The following KAZN variants were observed in gnomAD, a reference collection of about 807,000 sequenced individuals.
The protein encoded by KAZN is kazrin.
KAZN carries 40 observed loss-of-function variants against 87.4 expected under a neutral mutation model. The ratio of observed to expected loss-of-function variants is 0.46; its 90% confidence interval spans 0.36 to 0.60. KAZN has a LOEUF of 0.60. Among genes scored for constraint, KAZN ranks in the 20% least tolerant of loss-of-function variants. KAZN has a pLI of 0.00. For synonymous variants in KAZN, 466 were observed against 458.3 expected, an observed-to-expected ratio of 1.02 and a Z score of -0.22; for missense variants, 898 against 1,073.9, an observed-to-expected ratio of 0.84 and a Z score of 2.29.
chr1:14,121,689 T>C (rs4662105), intron 1 of KAZN, among the ~76,000 whole-genome samples: 84,346 of 152,010 alleles, frequency 0.55, 24,466 homozygotes, highest in East Asian at 0.75. Context: ...TGCGAAAAGA[T>C]AGAAAATAAA....
chr1:14,803,363 G>A (rs59861862), intron 1 of KAZN, among the ~76,000 whole-genome samples: 8,821 of 152,240 alleles, frequency 0.058, 876 homozygotes, highest in East Asian at 0.48. Context: ...TGCCAGACCC[G>A]ACTGTCCCTC....
At chr1:14,259,006 C>T (rs1446154264) in intron 2 of KAZN, among the ~76,000 whole-genome samples, 4 of 152,056 alleles carry the variant, frequency 2.6e-5, no homozygotes, top group Non-Finnish European at 4.4e-5. Context: ...CGGGGCTGGG[C>T]GTCAGGTAGA....
intron 1 of KAZN, among the ~76,000 whole-genome samples, chr1:14,714,722 T>C (rs1271735926): frequency 6.6e-6 from 1 of 151,946 alleles, no homozygotes; most frequent in Non-Finnish European, 1.5e-5. Context: ...AAGAGAGAGA[T>C]GTGGATAGGT....
chr1:14,462,547 C>G (rs1667912904), intron 2 of KAZN, among the ~76,000 whole-genome samples: 1 of 152,100 alleles, frequency 6.6e-6, no homozygotes. Flanking sequence ...GAGTTTTTGG[C>G]TTTGACCAGT....
intron 2 of KAZN, chr1:14,351,019 A>G (rs1173311730): frequency 2.0e-5 from 3 of 152,252 alleles, no homozygotes; most frequent in East Asian, 1.9e-4. Flanking sequence ...TTGTTGATAC[A>G]TAAGACCTGC....
chr1:14,921,153 A>AAC (rs55766387), intron 1 of KAZN, among the ~76,000 whole-genome samples: 48,260 of 144,236 alleles, frequency 0.33, 8,237 homozygotes, highest in East Asian at 0.4. Context: ...CTGAGCATGC[A>AAC]ACACACACAC....
At chr1:14,013,385 G>A (rs1462931504) in intron 1 of KAZN, among the ~76,000 whole-genome samples, 2 of 152,126 alleles carry the variant, frequency 1.3e-5, no homozygotes, top group South Asian at 2.1e-4. Flanking sequence ...GAAGCCTTGC[G>A]ATGAAAACCT....
At chr1:14,695,641 G>A (rs1641561177) in intron 1 of KAZN, among the ~76,000 whole-genome samples, 2 of 151,634 alleles carry the variant, frequency 1.3e-5, no homozygotes, top group South Asian at 4.2e-4. Context: ...GAGTAGCTGG[G>A]ATTACAGGTG....
intron 1 of KAZN, among the ~76,000 whole-genome samples, chr1:14,080,039 T>A (rs1643611328): frequency 6.8e-6 from 1 of 147,094 alleles, no homozygotes; most frequent in Non-Finnish European, 1.5e-5. Context: ...TAATATCACA[T>A]TGGTGATTAG....
chr1:14,743,834 G>A lies in KAZN; in HGVS notation c.226+144611G>A, dbSNP rs186734528. Among the ~76,000 whole-genome samples, 276 of 152,224 alleles carry A rather than the reference G, an allele frequency of 1.8e-3. 1 individual carries two copies. Among genetic ancestry groups the A allele is most frequent in the South Asian group, 4.2e-3 (20 of 4,818 alleles). On this transcript the variant is annotated intron_variant, in intron 1 of 14. Transcript: ENST00000376030. Reference sequence around the variant, plus strand: ...AGAGTCCTGGAGTTGATCTCAGGTCGCTTATGGCCAAGAGATTGGAAAATG... The same window carrying A: ...AGAGTCCTGGAGTTGATCTCAGGTCACTTATGGCCAAGAGATTGGAAAATG...
chr1:14,153,170 T>C (rs1645514186), intron 1 of KAZN, among the ~76,000 whole-genome samples: 1 of 152,190 alleles, frequency 6.6e-6, no homozygotes, highest in South Asian at 2.1e-4. Context: ...GTTAATTGTT[T>C]CCTTTGCCGT....
intron 1 of KAZN, among the ~76,000 whole-genome samples, chr1:14,032,400 G>T (rs946300636): frequency 6.6e-6 from 1 of 152,188 alleles, no homozygotes; most frequent in African/African-American, 2.4e-5. Context: ...GGCAGAGTTA[G>T]AGTTCCAATC....
intron 1 of KAZN, among the ~76,000 whole-genome samples, chr1:14,098,938 A>G (rs1644188002): frequency 2.0e-5 from 3 of 152,120 alleles, no homozygotes; most frequent in Admixed American, 1.3e-4. Flanking sequence ...AGAATTTCAC[A>G]TCTGCCCATT....
rs996708406 is a variant in KAZN at position 14,972,376 on chromosome 1, G to A, written c.418+11501G>A. Among the ~76,000 whole-genome samples, 5 of 152,192 alleles carry A rather than the reference G, an allele frequency of 3.3e-5. No homozygotes were observed. The East Asian group carries it at 5.8e-4, about 18-fold the overall frequency. ...GCAGTGCAGGGCACTCTTGCTCTGC[G>A]GTGCCTGAGCTTGGCTCAGTTGAGC... On this transcript the variant is annotated intron_variant, in intron 2 of 14. Coordinates refer to ENST00000376030, the MANE Select transcript of KAZN (RefSeq NM_201628.3).
In KAZN at chr1:14,820,369, C is replaced by A. The variant is rs537070259; in HGVS notation, c.227-140315C>A. Among the ~76,000 whole-genome samples the A allele has an allele frequency of 2.0e-5, 3 of 152,348 alleles. No homozygotes were observed. The highest frequency in any genetic ancestry group is 4.1e-4 in the South Asian group (2 of 4,826). On this transcript the variant is annotated intron_variant, in intron 1 of 14. Transcript: ENST00000376030. The surrounding 1 kb of genome is among the most constrained non-coding windows in gnomAD (Gnocchi z 4.1). ...CGGAGCCATCTGCCAATTTCAAGTG[C>A]CACATCATCTGGGTATCATGAGAGC... is the stretch of plus-strand genomic sequence containing the variant.
chr1:15,041,125 AT>A (rs376156652), intron 3 of KAZN, among the ~76,000 whole-genome samples: 19,784 of 138,896 alleles, frequency 0.14, 1,585 homozygotes, highest in Admixed American at 0.21. Context: ...GAATTTTTGT[AT>A]TTTTTTTTTT....
intron 1 of KAZN, among the ~76,000 whole-genome samples, chr1:14,679,914 G>A (rs12724086): frequency 6.6e-5 from 10 of 152,148 alleles, no homozygotes; most frequent in Non-Finnish European, 1.5e-4. Flanking sequence ...GCTCAAGGAG[G>A]CACCACTTGT....
intron 1 of KAZN, among the ~76,000 whole-genome samples, chr1:14,080,953 A>C (rs545840766): frequency 6.6e-6 from 1 of 152,222 alleles, no homozygotes; most frequent in African/African-American, 2.4e-5. Flanking sequence ...TCACCCTGGG[A>C]AAAGCTAATG....
intron 2 of KAZN, among the ~76,000 whole-genome samples, chr1:14,993,858 T>TG (rs2101969091): frequency 6.6e-6 from 1 of 152,290 alleles, no homozygotes; most frequent in East Asian, 1.9e-4. Context: ...CGGATGTGTG[T>TG]GGCATTGGAG....
Sources: gnomAD v4.1 joint callset for allele counts (sites outside exome capture counted in the v4.1 genomes callset) on GRCh38, gnomAD v4.1.1 for gene constraint, Gnocchi (gnomAD v3.1) non-coding constraint, MANE v1.5 for transcripts, NCBI Gene and HGNC (gene_info 2026-07-23, HGNC 2026-07-21) for gene names.